Variants in EBF4 observed in about 807,000 individuals in gnomAD.
EBF4 encodes EBF transcription factor 4, also known as transcription factor COE4.
Under a neutral mutation model 67.1 loss-of-function variants are expected in EBF4, and 34 were observed. That is an observed-to-expected ratio of 0.51 (90% CI 0.39 to 0.67). The LOEUF is 0.67. Among genes scored for constraint, EBF4 ranks in the 30% least tolerant of loss-of-function variants. The pLI is 0.00. For synonymous variants in EBF4, 387 were observed against 377.7 expected (o/e 1.02, Z -0.29); for missense variants, 837 against 873.3 (o/e 0.96, Z 0.52).
intron 6 of EBF4, among the ~76,000 whole-genome samples, chr20:2,737,229 A>G (rs144463939): frequency 0.019 from 2,860 of 148,538 alleles, 78 homozygotes; most frequent in Admixed American, 0.077. Context: ...CAGCTTGGGT[A>G]ACAGGAGCGA....
At chr20:2,752,020 G>C in intron 12 of EBF4, 33 bp downstream of exon 12, 2 of 1,532,258 alleles carry the variant, frequency 1.3e-6, no homozygotes, top group African/African-American at 1.4e-5. Context: ...GCGCCGCCGG[G>C]ACCGGGGCCC....
intron 6 of EBF4, among the ~76,000 whole-genome samples, chr20:2,737,250 C>CAAAAA (rs777580766): frequency 5.2e-5 from 6 of 114,872 alleles, no homozygotes; most frequent in South Asian, 3.1e-4. Context: ...AACTCCGTCT[C>CAAAAA]AAAAAAAAAA....
chr20:2,695,880 C>T (rs1437535731), intron 1 of EBF4, among the ~76,000 whole-genome samples: 1 of 152,186 alleles, frequency 6.6e-6, no homozygotes, highest in African/African-American at 2.4e-5. Flanking sequence ...GCTTTGACAC[C>T]TTCCTCAGCC....
intron 6 of EBF4, among the ~76,000 whole-genome samples, chr20:2,727,237 A>G (rs185868051): frequency 6.6e-6 from 1 of 152,216 alleles, no homozygotes; most frequent in Admixed American, 6.5e-5. Context: ...TACTACATTT[A>G]TCCATCAATG....
chr20:2,727,753 A>G (rs1427356754), intron 6 of EBF4, among the ~76,000 whole-genome samples: 1 of 152,216 alleles, frequency 6.6e-6, no homozygotes, highest in African/African-American at 2.4e-5. Context: ...TATAGTAGTC[A>G]TCCTAATGGG....
At chr20:2,744,142 G>A (rs530489813) in intron 6 of EBF4, among the ~76,000 whole-genome samples, 6 of 149,476 alleles carry the variant, frequency 4.0e-5, no homozygotes, top group East Asian at 2.0e-4. Flanking sequence ...GTGCAATGGC[G>A]TGATCTCAGC....
intron 6 of EBF4, among the ~76,000 whole-genome samples, chr20:2,715,231 G>A (rs141234045): frequency 2.6e-5 from 4 of 152,142 alleles, no homozygotes; most frequent in Admixed American, 6.5e-5. Context: ...GTGTGTTGGT[G>A]TAGTTTAGTT....
At chr20:2,744,509 T>TTTTTTTG (rs2088021016) in intron 6 of EBF4, among the ~76,000 whole-genome samples, 1 of 145,780 alleles carries the variant, frequency 6.9e-6, no homozygotes, top group Admixed American at 6.8e-5. Context: ...TTTTTTTTTT[T>TTTTTTTG]GAGACAGGGT....
chr20:2,724,712 C>T (rs2087726371), intron 6 of EBF4, among the ~76,000 whole-genome samples: 1 of 152,102 alleles, frequency 6.6e-6, no homozygotes, highest in Admixed American at 6.5e-5. Flanking sequence ...TGAGACCAGC[C>T]TGTGCAACAT....
intron 1 of EBF4, among the ~76,000 whole-genome samples, chr20:2,699,057 T>C (rs1242911310): frequency 6.6e-6 from 1 of 152,186 alleles, no homozygotes; most frequent in Non-Finnish European, 1.5e-5. Context: ...GGGCTTTGTC[T>C]GTACCAGACA....
rs1315011356 is a variant in EBF4, at chr20:2,693,945, C to T, written c.137+163C>T. Among the ~76,000 whole-genome samples the T allele has an allele frequency of 6.6e-6, 1 of 152,182 alleles. No individual in the cohort carries two copies. On this transcript the variant is annotated intron_variant, in intron 1 of 16. Transcript: ENST00000609451. The surrounding 1 kb of genome is among the most constrained non-coding windows in gnomAD (Gnocchi z 4.6). Reference sequence around the variant, plus strand: ...CCGTCCGGAGTGCCTGTGCTGCCTCCTGAGGCTGTGGGGCGGGCTGGGGCG... The same window carrying T: ...CCGTCCGGAGTGCCTGTGCTGCCTCTTGAGGCTGTGGGGCGGGCTGGGGCG...
intron 1 of EBF4, among the ~76,000 whole-genome samples, chr20:2,695,378 G>A (rs1327411586): frequency 2.0e-5 from 3 of 152,172 alleles, no homozygotes; most frequent in Admixed American, 6.5e-5. Flanking sequence ...TGGGGATAAG[G>A]CTTCCCCCAG....
At chr20:2,735,277 A>C (rs2087862690) in intron 6 of EBF4, among the ~76,000 whole-genome samples, 1 of 151,948 alleles carries the variant, frequency 6.6e-6, no homozygotes, top group African/African-American at 2.4e-5. Context: ...CTCCAAACCC[A>C]CTCTACCCCT....
At chr20:2,753,040 C>G (rs913407852) in intron 14 of EBF4, among the ~76,000 whole-genome samples, 3 of 152,248 alleles carry the variant, frequency 2.0e-5, no homozygotes, top group African/African-American at 7.2e-5. Flanking sequence ...ATGTGGTCCC[C>G]GCGATGTCGT....
At chr20:2,736,608 C>T (rs1353947259) in intron 6 of EBF4, among the ~76,000 whole-genome samples, 1 of 152,190 alleles carries the variant, frequency 6.6e-6, no homozygotes, top group East Asian at 1.9e-4. Context: ...TGGCAATCCC[C>T]CTTGAGGTTC....
At chr20:2,733,387 C>T (rs1407608239) in intron 6 of EBF4, among the ~76,000 whole-genome samples, 1 of 152,064 alleles carries the variant, frequency 6.6e-6, no homozygotes, top group African/African-American at 2.4e-5. Flanking sequence ...TTGTATAGAT[C>T]ATACACTTTG....
chr20:2,696,195 G>A lies in EBF4; in HGVS notation c.137+2413G>A, dbSNP rs1415294877. Among the ~76,000 whole-genome samples, 1 of 152,222 alleles carries A rather than the reference G, an allele frequency of 6.6e-6. No homozygotes were observed. The highest frequency in any genetic ancestry group is 1.5e-5 in the Non-Finnish European group (1 of 68,044). On this transcript the variant is annotated intron_variant, in intron 1 of 16. Coordinates refer to ENST00000609451, the Ensembl canonical transcript of EBF4. This position sits in a 1 kb window ranked among gnomAD's most constrained non-coding sequence, Gnocchi z 4.7. ...GATTACAAATAAAGTGACCAGGCTG[G>A]GCGCGGTGGCTCACGCCTGTAATTC...
At chr20:2,742,245 G>A (rs949170762) in intron 6 of EBF4, among the ~76,000 whole-genome samples, 4 of 152,140 alleles carry the variant, frequency 2.6e-5, no homozygotes, top group African/African-American at 9.7e-5. Flanking sequence ...CTTAGCCTTG[G>A]TTTTCTCATC....
At chr20:2,730,986 C>T (rs2087806517) in intron 6 of EBF4, among the ~76,000 whole-genome samples, 1 of 152,170 alleles carries the variant, frequency 6.6e-6, no homozygotes, top group Non-Finnish European at 1.5e-5. Context: ...GCAACCTCCA[C>T]CTCCAGGGTT....
Sources: allele counts gnomAD v4.1 joint callset (sites outside exome capture counted in the v4.1 genomes callset), GRCh38; gene constraint gnomAD v4.1.1; non-coding constraint Gnocchi (gnomAD v3.1); transcripts MANE v1.5; gene names NCBI Gene and HGNC (gene_info 2026-07-23, HGNC 2026-07-21).